Variants in PRKG1 observed in about 807,000 individuals in gnomAD.
PRKG1 encodes cGMP-dependent protein kinase 1.
In PRKG1, 35 loss-of-function variants were observed where a neutral mutation model predicts 88.1. The ratio of observed to expected loss-of-function variants is 0.40; its 90% CI spans 0.30 to 0.53. The LOEUF (loss-of-function observed/expected upper bound fraction) is 0.53, where lower values mean the gene tolerates loss of function less well. Ranked by LOEUF, PRKG1 falls within the 20% of genes least tolerant of loss-of-function variation. PRKG1 has a pLI of 0.59. For missense variants in PRKG1, 540 were observed against 839.8 expected (o/e 0.64, Z 4.41); for synonymous variants, 303 against 292.5 (o/e 1.04, Z -0.37).
chr10:51,819,895 A>T (rs182434550), intron 4 of PRKG1, among the ~76,000 whole-genome samples: 107 of 152,304 alleles, frequency 7.0e-4, no homozygotes, highest in African/African-American at 2.4e-3. Flanking sequence ...AGGAGAGCTG[A>T]AGTCAATGAT....
intron 4 of PRKG1, among the ~76,000 whole-genome samples, chr10:51,822,392 G>A (rs57786924): frequency 0.21 from 31,836 of 151,862 alleles, 5,362 homozygotes; most frequent in African/African-American, 0.47. Context: ...AAACAAGAGC[G>A]TGAACTGGGG....
chr10:52,245,822 T>A (rs1841009801), intron 9 of PRKG1, among the ~76,000 whole-genome samples: 1 of 151,306 alleles, frequency 6.6e-6, no homozygotes, highest in African/African-American at 2.4e-5. Context: ...GCACTTAGAG[T>A]AGACTTCTGT....
At chr10:51,146,744 G>A (rs559278664) in intron 1 of PRKG1, among the ~76,000 whole-genome samples, 2 of 151,942 alleles carry the variant, frequency 1.3e-5, no homozygotes, top group African/African-American at 2.4e-5. Flanking sequence ...TTGAGTTGAT[G>A]TTTTGTATAT....
At chr10:51,507,932 A>G (rs1841274574) in intron 3 of PRKG1, among the ~76,000 whole-genome samples, 1 of 152,040 alleles carries the variant, frequency 6.6e-6, no homozygotes, top group Non-Finnish European at 1.5e-5. Flanking sequence ...ACAGTTAAAC[A>G]TGTGTAATTT....
At chr10:51,413,648 T>C (rs563946655) in intron 2 of PRKG1, among the ~76,000 whole-genome samples, 12 of 152,268 alleles carry the variant, frequency 7.9e-5, no homozygotes, top group East Asian at 1.9e-4. Flanking sequence ...TGTGAGCCAC[T>C]GCGCCCAGCC....
intron 3 of PRKG1, among the ~76,000 whole-genome samples, chr10:51,488,849 C>T (rs1840621355): frequency 6.6e-6 from 1 of 152,132 alleles, no homozygotes; most frequent in Admixed American, 6.6e-5. Flanking sequence ...TCTTCCTCTA[C>T]TATTCATCCG....
chr10:52,085,655 G>A (rs1846894114), intron 7 of PRKG1, among the ~76,000 whole-genome samples: 1 of 151,994 alleles, frequency 6.6e-6, no homozygotes, highest in African/African-American at 2.4e-5. Context: ...TTTTTAATAT[G>A]GAATGATACT....
intron 2 of PRKG1, among the ~76,000 whole-genome samples, chr10:51,418,748 G>A (rs1838319081): frequency 6.6e-6 from 1 of 152,172 alleles, no homozygotes; most frequent in Non-Finnish European, 1.5e-5. Flanking sequence ...AAACTACAGT[G>A]GAGGGCTATT....
intron 3 of PRKG1, among the ~76,000 whole-genome samples, chr10:51,481,993 A>G (rs948196740): frequency 2.0e-5 from 3 of 152,200 alleles, no homozygotes; most frequent in Non-Finnish European, 2.9e-5. Flanking sequence ...AACTTGAAGG[A>G]TACATTAGCA....
chr10:51,550,342 G>A (rs10508947), intron 3 of PRKG1, among the ~76,000 whole-genome samples: 16,465 of 151,910 alleles, frequency 0.11, 1,110 homozygotes, highest in African/African-American at 0.17. Context: ...TTGAGCTAAT[G>A]CTATACTTTG....
intron 7 of PRKG1, among the ~76,000 whole-genome samples, chr10:52,117,164 CTGTGTGTGTGTGTGTG>C (rs71459438): frequency 2.7e-4 from 38 of 139,200 alleles, no homozygotes; most frequent in Non-Finnish European, 4.7e-4. Flanking sequence ...TGTGAAATAT[CTGTGTGTGTGTGTGTG>C]TGTGTGTGTG....
intron 7 of PRKG1, among the ~76,000 whole-genome samples, chr10:52,123,686 G>A (rs1847870986): frequency 6.6e-6 from 1 of 151,950 alleles, no homozygotes; most frequent in African/African-American, 2.4e-5. Flanking sequence ...TATGTGAAAA[G>A]GCCATCAGTA....
rs191764553 is a variant in PRKG1, at chr10:52,171,633, T to C, written c.1076+9670T>C. The stretch of plus-strand genomic sequence containing the variant: ...TTCTAAGGCCACCAATGCTGATAGA[T>C]TAATACTTCAGCAGGATTTGTGACT... On this transcript the variant is annotated intron_variant, in intron 9 of 17. Transcript: ENST00000373980. Among the ~76,000 whole-genome samples, 26 of 152,178 alleles carry C rather than the reference T, an allele frequency of 1.7e-4. 1 individual carries two copies. In the East Asian group the frequency reaches 2.9e-3, roughly 17 times the overall value.
chr10:51,660,974 A>G (rs1178531602), intron 3 of PRKG1, among the ~76,000 whole-genome samples: 3 of 152,152 alleles, frequency 2.0e-5, no homozygotes, highest in Non-Finnish European at 4.4e-5. Flanking sequence ...AAATTGGAAC[A>G]TAAATCACAT....
chr10:51,034,970 G>A (rs1310162880), intron 1 of PRKG1, among the ~76,000 whole-genome samples: 1 of 151,760 alleles, frequency 6.6e-6, no homozygotes, highest in East Asian at 1.9e-4. Context: ...TCAGGCTATT[G>A]CCCTCAATCT....
At chr10:51,123,282 A>C (rs187174257) in intron 1 of PRKG1, among the ~76,000 whole-genome samples, 11 of 152,326 alleles carry the variant, frequency 7.2e-5, no homozygotes, top group Admixed American at 5.2e-4. Context: ...AATAAATTTT[A>C]TTACTGTTAT....
chr10:52,136,156 T>G (rs1376180376), intron 8 of PRKG1, among the ~76,000 whole-genome samples: 1 of 151,918 alleles, frequency 6.6e-6, no homozygotes, highest in Non-Finnish European at 1.5e-5. Context: ...AAAGTGTGAC[T>G]AGGTAAAAAG....
intron 4 of PRKG1, among the ~76,000 whole-genome samples, chr10:51,897,232 A>AT (rs1223231158): frequency 6.6e-6 from 1 of 152,296 alleles, no homozygotes; most frequent in African/African-American, 2.4e-5. Context: ...ATATGGATTG[A>AT]TTTTTTTAGT....
chr10:51,350,844 C>A (rs1381671835), intron 2 of PRKG1, among the ~76,000 whole-genome samples: 1 of 152,056 alleles, frequency 6.6e-6, no homozygotes, highest in Non-Finnish European at 1.5e-5. Flanking sequence ...TATACGCGTG[C>A]CATGGTGGTT....
Sources: gnomAD v4.1 joint callset for allele counts (sites outside exome capture counted in the v4.1 genomes callset) on GRCh38, gnomAD v4.1.1 for gene constraint, MANE v1.5 for transcripts, NCBI Gene and HGNC (gene_info 2026-07-23, HGNC 2026-07-21) for gene names.